Variants in EGFR observed in about 807,000 individuals in gnomAD.
EGFR encodes epidermal growth factor receptor.
EGFR carries 58 observed loss-of-function variants against 143.0 expected under a neutral mutation model. The ratio of observed to expected loss-of-function variants is 0.41; its 90% CI spans 0.33 to 0.50. EGFR has a LOEUF of 0.50. Among genes scored for constraint, EGFR ranks in the 20% least tolerant of loss-of-function variants. The probability of loss-of-function intolerance (pLI) is 0.39; values close to 1 mark genes in which losing one functional copy is unlikely to be tolerated. For missense variants in EGFR, 1,307 were observed against 1,579.0 expected (o/e 0.83, Z 2.92); for synonymous variants, 613 against 594.4 (o/e 1.03, Z -0.45).
chr7:55,167,251 A>G (rs62457087), intron 15 of EGFR, among the ~76,000 whole-genome samples: 155 of 17,872 alleles, frequency 8.7e-3, no homozygotes, highest in Admixed American at 0.012. Context: ...GGGAGTCACA[A>G]TGGTGGTGGT....
At position 55,019,655 on chromosome 7, in the gene EGFR, A is replaced by G. The variant is rs557482522; in HGVS notation, c.88+290A>G. ...CCTCCGGCGCCCCGAACCGCTCCCA[A>G]CTTTCTTCCCTCACTTTCCCCGCCC... On this transcript the variant is annotated intron_variant, in intron 1 of 27. Coordinates refer to ENST00000275493, the MANE Select transcript of EGFR (RefSeq NM_005228.5). Among the ~76,000 whole-genome samples, 13 of 152,166 alleles carry G rather than the reference A, an allele frequency of 8.5e-5. No homozygotes were observed. The East Asian group carries it at 2.5e-3, about 30-fold the overall frequency.
At chr7:55,137,872 C>T (rs945960351) in intron 1 of EGFR, among the ~76,000 whole-genome samples, 3 of 152,112 alleles carry the variant, frequency 2.0e-5, no homozygotes, top group Non-Finnish European at 2.9e-5. Flanking sequence ...GTTAGGGTTT[C>T]GATCATGACA....
intron 20 of EGFR, chr7:55,181,973 C>T (rs1251012599): frequency 4.4e-6 from 1 of 227,526 alleles, no homozygotes; most frequent in Non-Finnish European, 8.8e-6. Flanking sequence ...TGGCTGGGGC[C>T]TTGGCTAAGT....
intron 15 of EGFR, among the ~76,000 whole-genome samples, chr7:55,170,019 T>C (rs922133097): frequency 6.6e-6 from 1 of 152,174 alleles, no homozygotes; most frequent in African/African-American, 2.4e-5. Flanking sequence ...GTTTGGTGTC[T>C]GTAGGAGGTA....
intron 1 of EGFR, among the ~76,000 whole-genome samples, chr7:55,095,227 T>C (rs1040963236): frequency 6.6e-6 from 1 of 152,222 alleles, no homozygotes; most frequent in Non-Finnish European, 1.5e-5. Context: ...TTCTCTGCTG[T>C]CCGACTGGCC....
At chr7:55,051,716 A>G (rs1788500163) in intron 1 of EGFR, among the ~76,000 whole-genome samples, 1 of 152,220 alleles carries the variant, frequency 6.6e-6, no homozygotes, top group African/African-American at 2.4e-5. Context: ...GGTTAAAGGA[A>G]ACTTTTCAAG....
chr7:55,082,803 C>T (rs956286800), intron 1 of EGFR, among the ~76,000 whole-genome samples: 4 of 152,196 alleles, frequency 2.6e-5, no homozygotes, highest in Admixed American at 2.6e-4. Context: ...TTGCTTACAG[C>T]TCTGGAAGCC....
At chr7:55,142,468 A>C (rs1295044594) in intron 2 of EGFR, 31 bp downstream of exon 2, 1 of 1,611,828 alleles carries the variant, frequency 6.2e-7, no homozygotes, top group Non-Finnish European at 8.5e-7. Flanking sequence ...TACACAAATA[A>C]AATTGGAGAA....
At chr7:55,197,389 A>C (rs1457558859) in intron 22 of EGFR, among the ~76,000 whole-genome samples, 1 of 152,186 alleles carries the variant, frequency 6.6e-6, no homozygotes, top group Non-Finnish European at 1.5e-5. Context: ...GAAGTTGTTT[A>C]TCAGCTTAAG....
chr7:55,139,417 G>T (rs1348356421), intron 1 of EGFR, among the ~76,000 whole-genome samples: 1 of 152,062 alleles, frequency 6.6e-6, no homozygotes, highest in African/African-American at 2.4e-5. Flanking sequence ...TTGGTATAAG[G>T]ATGGAACCAA....
At chr7:55,116,932 C>G (rs1435451186) in intron 1 of EGFR, among the ~76,000 whole-genome samples, 1 of 152,222 alleles carries the variant, frequency 6.6e-6, no homozygotes, top group African/African-American at 2.4e-5. Flanking sequence ...TTTCTCTTTT[C>G]TTGCAGTTAC....
intron 1 of EGFR, among the ~76,000 whole-genome samples, chr7:55,140,959 C>T (rs1327005246): frequency 6.6e-6 from 1 of 152,190 alleles, no homozygotes; most frequent in East Asian, 1.9e-4. Context: ...AGAGGGCAGA[C>T]AGTCCAATGA....
intron 1 of EGFR, among the ~76,000 whole-genome samples, chr7:55,085,975 C>T (rs543598314): frequency 6.6e-6 from 1 of 152,274 alleles, no homozygotes; most frequent in East Asian, 1.9e-4. Context: ...CTCCCATCCC[C>T]ACCCCCTAGA....
intron 19 of EGFR, among the ~76,000 whole-genome samples, chr7:55,175,812 G>A (rs1210279380): frequency 6.6e-6 from 1 of 152,158 alleles, no homozygotes; most frequent in Non-Finnish European, 1.5e-5. Context: ...AATGTCTTAA[G>A]ATACAATTTT....
At chr7:55,185,394 T>C (rs776438805) in intron 20 of EGFR, among the ~76,000 whole-genome samples, 26 of 152,198 alleles carry the variant, frequency 1.7e-4, no homozygotes, top group Non-Finnish European at 3.2e-4. Context: ...TAAGAAAGCC[T>C]GTCTACTCTT....
intron 1 of EGFR, among the ~76,000 whole-genome samples, chr7:55,059,055 A>G (rs563985574): frequency 1.1e-4 from 17 of 152,330 alleles, no homozygotes; most frequent in African/African-American, 3.4e-4. Context: ...TTGTGGGTGA[A>G]TGTGGGCCTC....
chr7:55,154,761 G>A (rs969995970), intron 7 of EGFR, among the ~76,000 whole-genome samples: 5 of 152,142 alleles, frequency 3.3e-5, no homozygotes, highest in Non-Finnish European at 7.3e-5. Context: ...ATTCCTGACA[G>A]AGAAAGCAAA....
intron 1 of EGFR, among the ~76,000 whole-genome samples, chr7:55,033,031 C>A (rs909046010): frequency 1.3e-5 from 2 of 152,126 alleles, no homozygotes; most frequent in African/African-American, 2.4e-5. Flanking sequence ...TCAGTATGTC[C>A]AAAATTGTCA....
chr7:55,152,799 C>A, intron 6 of EGFR, 135 bp downstream of exon 6: 1 of 712,546 alleles, frequency 1.4e-6, no homozygotes, highest in Non-Finnish European at 2.3e-6. Context: ...TGCCCTCTGC[C>A]TGGTGACAAA....
Sources: allele counts gnomAD v4.1 joint callset (sites outside exome capture counted in the v4.1 genomes callset), GRCh38; gene constraint gnomAD v4.1.1; transcripts MANE v1.5; gene names NCBI Gene and HGNC (gene_info 2026-07-23, HGNC 2026-07-21).